The following ST6GALNAC3 variants were observed in gnomAD, a reference collection of about 807,000 sequenced individuals.
ST6GALNAC3 encodes the protein alpha-N-acetylgalactosaminide alpha-2,6-sialyltransferase 3.
Under a neutral mutation model 32.7 loss-of-function variants are expected in ST6GALNAC3, and 25 were observed. That is an observed-to-expected ratio of 0.76 (90% CI 0.56 to 1.07). ST6GALNAC3 has a LOEUF of 1.07. ST6GALNAC3 is among the 50% of genes least tolerant of loss of function. The pLI is 0.00. For synonymous variants in ST6GALNAC3, 129 were observed against 133.1 expected, an observed-to-expected ratio of 0.97 and a Z score of 0.21; for missense variants, 355 against 382.4, an observed-to-expected ratio of 0.93 and a Z score of 0.60.
intron 1 of ST6GALNAC3, among the ~76,000 whole-genome samples, chr1:76,104,855 G>T (rs1227868168): frequency 6.6e-6 from 1 of 152,140 alleles, no homozygotes; most frequent in African/African-American, 2.4e-5. Flanking sequence ...GACAAGAGAA[G>T]AGAGCTTGGG....
intron 3 of ST6GALNAC3, among the ~76,000 whole-genome samples, chr1:76,430,510 T>C (rs772753200): frequency 6.6e-6 from 1 of 152,220 alleles, no homozygotes; most frequent in Non-Finnish European, 1.5e-5. Context: ...GTTTCTCAGC[T>C]GAAATGCTGT....
chr1:76,278,191 A>G lies in ST6GALNAC3; in HGVS notation c.19-35614A>G, dbSNP rs186980504. Among the ~76,000 whole-genome samples the G allele has an allele frequency of 2.8e-3, 350 of 125,586 alleles. 3 individuals carry two copies. Among genetic ancestry groups the G allele is most frequent in the African/African-American group, 0.014 (343 of 24,136 alleles). The allele number at this position is 125,586 out of a possible 152,430, so 82.4% of individuals were successfully genotyped here. A position where few individuals can be genotyped will look rare whatever the true frequency, so the allele number is the denominator to read the frequency against. The stretch of plus-strand genomic sequence containing the variant: ...GTCACTATAATAAATGGTATCTTTC[A>G]GTATCATGTATTCTCATTATTGCTA... On this transcript the variant is annotated intron_variant, in intron 1 of 4. Coordinates refer to ENST00000328299, the MANE Select transcript of ST6GALNAC3 (RefSeq NM_152996.4).
intron 3 of ST6GALNAC3, among the ~76,000 whole-genome samples, chr1:76,426,852 T>C (rs1655429126): frequency 2.0e-5 from 3 of 151,924 alleles, no homozygotes; most frequent in Admixed American, 2.0e-4. Context: ...CCGTTTATAA[T>C]CCTATGAGAC....
intron 2 of ST6GALNAC3, among the ~76,000 whole-genome samples, chr1:76,405,632 G>A (rs1185293888): frequency 6.6e-6 from 1 of 151,368 alleles, no homozygotes; most frequent in East Asian, 2.0e-4. Context: ...TGTGTGGTGT[G>A]AATTTTGAAT....
At chr1:76,595,585 TCC>T (rs1647122577) in intron 3 of ST6GALNAC3, among the ~76,000 whole-genome samples, 1 of 152,098 alleles carries the variant, frequency 6.6e-6, no homozygotes, top group Non-Finnish European at 1.5e-5. Flanking sequence ...TCATTTCAAG[TCC>T]CTGAAACCTC....
At chr1:76,550,428 CTGAT>C (rs1664551736) in intron 3 of ST6GALNAC3, among the ~76,000 whole-genome samples, 1 of 152,234 alleles carries the variant, frequency 6.6e-6, no homozygotes, top group African/African-American at 2.4e-5. Flanking sequence ...TTTTTGGTCA[CTGAT>C]TGATTGATAC....
At chr1:76,586,682 C>T (rs576150429) in intron 3 of ST6GALNAC3, among the ~76,000 whole-genome samples, 1 of 152,316 alleles carries the variant, frequency 6.6e-6, no homozygotes, top group Non-Finnish European at 1.5e-5. Flanking sequence ...TCTCCCTCTA[C>T]CCAAGGGACT....
chr1:76,100,868 T>A (rs909354668), intron 1 of ST6GALNAC3, among the ~76,000 whole-genome samples: 2 of 152,082 alleles, frequency 1.3e-5, no homozygotes, highest in Non-Finnish European at 2.9e-5. Context: ...GACATTTTTT[T>A]AATGCCAGTT....
At chr1:76,180,657 A>C (rs919109180) in intron 1 of ST6GALNAC3, among the ~76,000 whole-genome samples, 1 of 152,186 alleles carries the variant, frequency 6.6e-6, no homozygotes, top group African/African-American at 2.4e-5. Context: ...AAATGGCAGA[A>C]TGTTGCAGCA....
chr1:76,074,817 C>T lies in ST6GALNAC3; in HGVS notation c.-50C>T, dbSNP rs763820193. On this transcript the variant is annotated 5_prime_UTR_variant, in exon 1 of 5. Transcript: ENST00000328299. Reference sequence around the variant, plus strand: ...CTCCAGCCTGCCCCCAGGACTGCCCCTGACCCAGGCGCGCCCGCTGCTCGG... The same window carrying T: ...CTCCAGCCTGCCCCCAGGACTGCCCTTGACCCAGGCGCGCCCGCTGCTCGG... 2.6e-6 allele frequency: 4 copies of T among 1,560,668 alleles called. No homozygotes were observed. The highest frequency in any genetic ancestry group is 1.2e-5 in the South Asian group (1 of 84,702).
intron 1 of ST6GALNAC3, among the ~76,000 whole-genome samples, chr1:76,310,179 G>A (rs761443762): frequency 3.3e-5 from 5 of 152,042 alleles, no homozygotes; most frequent in East Asian, 1.9e-4. Flanking sequence ...ACCAAATGAC[G>A]ATTAAGAAAA....
At position 76,525,813 on chromosome 1, in the gene ST6GALNAC3, A is replaced by G. The variant is rs576490492; in HGVS notation, c.624-101639A>G. ...TGTGTATATATATATATATATATAT[A>G]TATATATATATATATGACCGTTTTG... is the stretch of plus-strand genomic sequence containing the variant. On this transcript the variant is annotated intron_variant, in intron 3 of 4. Coordinates refer to ENST00000328299, the MANE Select transcript of ST6GALNAC3 (RefSeq NM_152996.4). Among the ~76,000 whole-genome samples the G allele has an allele frequency of 3.3e-3, 446 of 134,266 alleles. 28 individuals are homozygous for G. In the East Asian group the frequency reaches 0.074, roughly 22 times the overall value. The allele number at this position is 134,266 out of a possible 152,430, so 88.1% of individuals were successfully genotyped here.
intron 2 of ST6GALNAC3, among the ~76,000 whole-genome samples, chr1:76,362,761 A>G (rs2101055787): frequency 6.6e-6 from 1 of 152,328 alleles, no homozygotes; most frequent in Admixed American, 6.5e-5. Context: ...TCTGGGACAC[A>G]CTGATGCAAG....
intron 3 of ST6GALNAC3, among the ~76,000 whole-genome samples, chr1:76,456,003 T>C (rs11807459): frequency 0.051 from 7,689 of 152,110 alleles, 664 homozygotes; most frequent in African/African-American, 0.18. Context: ...CTGGCCAACA[T>C]GGCAAAGCCC....
At chr1:76,345,778 C>G (rs1648452190) in intron 2 of ST6GALNAC3, among the ~76,000 whole-genome samples, 1 of 152,102 alleles carries the variant, frequency 6.6e-6, no homozygotes, top group African/African-American at 2.4e-5. Flanking sequence ...TCAGCCCCAG[C>G]TCAGACAGTA....
chr1:76,317,058 A>G (rs1646878595), intron 2 of ST6GALNAC3, among the ~76,000 whole-genome samples: 1 of 152,182 alleles, frequency 6.6e-6, no homozygotes. Context: ...TGCAGGTGAT[A>G]GAGCAGAAAA....
intron 3 of ST6GALNAC3, among the ~76,000 whole-genome samples, chr1:76,491,747 A>G (rs1472765162): frequency 3.3e-5 from 5 of 152,188 alleles, no homozygotes; most frequent in Non-Finnish European, 7.3e-5. Context: ...TTTCACTAGT[A>G]GAAGTGAAGG....
intron 3 of ST6GALNAC3, among the ~76,000 whole-genome samples, chr1:76,539,481 A>G (rs1373963909): frequency 1.3e-5 from 2 of 152,246 alleles, no homozygotes; most frequent in African/African-American, 4.8e-5. Flanking sequence ...TAAAAATGCC[A>G]AAAGCAATGG....
chr1:76,403,597 G>T lies in ST6GALNAC3; in HGVS notation c.214-8411G>T, dbSNP rs145066373. On this transcript the variant is annotated intron_variant, in intron 2 of 4. Transcript: ENST00000328299. ...AATTGTCTGTCTTATTTGGTCAGGG[G>T]TGGACTCCCGCCATTGCCATTTTTA... is the stretch of plus-strand genomic sequence containing the variant. 1.3e-3 allele frequency among the ~76,000 whole-genome samples: 192 copies of T among 152,174 alleles called. 1 individual carries two copies. Among genetic ancestry groups the T allele is most frequent in the Non-Finnish European group, 2.1e-3 (145 of 67,962 alleles).
Sources: allele counts gnomAD v4.1 joint callset (sites outside exome capture counted in the v4.1 genomes callset), GRCh38; gene constraint gnomAD v4.1.1; transcripts MANE v1.5; gene names NCBI Gene and HGNC (gene_info 2026-07-23, HGNC 2026-07-21).